FBXL13: variants seen among roughly 807,000 people sequenced by gnomAD.
The protein encoded by FBXL13 is F-box and leucine rich repeat protein 13, also known as F-box and leucine-rich repeat protein 13.
In FBXL13, 67 loss-of-function variants were observed where a neutral mutation model predicts 83.6. The ratio of observed to expected loss-of-function variants is 0.80; its 90% CI spans 0.66 to 0.98. The LOEUF (loss-of-function observed/expected upper bound fraction) is 0.98, where lower values mean the gene tolerates loss of function less well. FBXL13 is among the 50% of genes least tolerant of loss of function. FBXL13 has a pLI of 0.00. For synonymous variants in FBXL13, 272 were observed against 299.5 expected, an observed-to-expected ratio of 0.91 and a Z score of 0.95; for missense variants, 822 against 866.5, an observed-to-expected ratio of 0.95 and a Z score of 0.64.
chr7:102,952,919 G>A (rs931652855), intron 8 of FBXL13, among the ~76,000 whole-genome samples: 9 of 152,118 alleles, frequency 5.9e-5, no homozygotes, highest in Non-Finnish European at 1.3e-4. Context: ...AGAAGGCAGA[G>A]GTTCCAGTGA....
At chr7:102,911,334 G>A (rs1814638871) in intron 11 of FBXL13, among the ~76,000 whole-genome samples, 1 of 152,206 alleles carries the variant, frequency 6.6e-6, no homozygotes, top group Non-Finnish European at 1.5e-5. Flanking sequence ...AAATTGATAA[G>A]AAGAAGGAGG....
chr7:103,062,320 G>C (rs1798004179), intron 1 of FBXL13, among the ~76,000 whole-genome samples: 1 of 152,178 alleles, frequency 6.6e-6, no homozygotes, highest in African/African-American at 2.4e-5. Flanking sequence ...AATTGAGGGA[G>C]AAACTAGGGT....
At chr7:103,001,152 G>A (rs1485755817) in intron 6 of FBXL13, among the ~76,000 whole-genome samples, 1 of 151,642 alleles carries the variant, frequency 6.6e-6, no homozygotes, top group Non-Finnish European at 1.5e-5. Flanking sequence ...GTAGAGACAG[G>A]GTTTCACCAT....
At chr7:103,027,476 A>C in exon 5 of FBXL13, 1 of 1,612,598 alleles carries the variant, frequency 6.2e-7, no homozygotes, top group Non-Finnish European at 8.5e-7. Flanking sequence ...TTTTACTCTT[A>C]TGTCTTGCTG....
chr7:103,055,377 A>G (rs900790123), intron 2 of FBXL13, among the ~76,000 whole-genome samples, 199 bp from the exon 3 acceptor site: 9 of 152,172 alleles, frequency 5.9e-5, no homozygotes, highest in Admixed American at 1.3e-4. Context: ...CCAAAGGAGG[A>G]TATGCCTCCC....
intron 1 of FBXL13, among the ~76,000 whole-genome samples, chr7:103,058,697 T>C (rs939184596): frequency 6.6e-6 from 1 of 152,218 alleles, no homozygotes; most frequent in Non-Finnish European, 1.5e-5. Context: ...TGCATTTTAC[T>C]AAGCTCCCCA....
intron 4 of FBXL13, among the ~76,000 whole-genome samples, 200 bp from the exon 6 acceptor site, chr7:103,027,758 T>G (rs1794099224): frequency 6.6e-6 from 1 of 152,244 alleles, no homozygotes; most frequent in East Asian, 1.9e-4. Context: ...AAACATCACC[T>G]TTGCCCTTAG....
chr7:102,824,435 T>C (rs79693667), intron 18 of FBXL13, among the ~76,000 whole-genome samples: 3,678 of 152,308 alleles, frequency 0.024, 65 homozygotes, highest in Non-Finnish European at 0.036. Context: ...TCGTTTCTCA[T>C]TCCTATCCCC....
At chr7:103,041,906 C>A (rs1487762378) in intron 2 of FBXL13, among the ~76,000 whole-genome samples, 2 of 152,200 alleles carry the variant, frequency 1.3e-5, no homozygotes, top group East Asian at 1.9e-4. Flanking sequence ...CCTTTGAAAA[C>A]TGGCACAAGA....
At chr7:103,030,129 T>C (rs1324292493) in intron 2 of FBXL13, 1 of 152,210 alleles carries the variant, frequency 6.6e-6, no homozygotes, top group African/African-American at 2.4e-5. Flanking sequence ...GTCACATCTA[T>C]TTGGTGTATA....
chr7:102,935,562 G>A (rs372423594), intron 8 of FBXL13, among the ~76,000 whole-genome samples: 62 of 152,190 alleles, frequency 4.1e-4, no homozygotes, highest in African/African-American at 1.4e-3. Flanking sequence ...TTTTGCAACC[G>A]ATGCAATCTT....
intron 10 of FBXL13, among the ~76,000 whole-genome samples, chr7:102,922,426 G>A (rs569707169): frequency 1.1e-4 from 17 of 151,964 alleles, no homozygotes; most frequent in Non-Finnish European, 1.9e-4. Context: ...TTAATTATTG[G>A]TTTACTGATA....
chr7:103,023,294 C>G (rs551059159), intron 6 of FBXL13, among the ~76,000 whole-genome samples: 1 of 151,502 alleles, frequency 6.6e-6, no homozygotes, highest in Non-Finnish European at 1.5e-5. Context: ...CAAAACAAAA[C>G]AGAACAAAAC....
At chr7:102,845,910 G>A (rs548877034) in intron 17 of FBXL13, among the ~76,000 whole-genome samples, 2 of 152,192 alleles carry the variant, frequency 1.3e-5, no homozygotes, top group African/African-American at 4.8e-5. Flanking sequence ...CTTTATCACA[G>A]CATTATGACT....
At chr7:103,030,101 T>C (rs1383036183) in intron 2 of FBXL13, 2 of 152,178 alleles carry the variant, frequency 1.3e-5, no homozygotes, top group African/African-American at 4.8e-5. Context: ...GCTTACTATA[T>C]AGATATACAA....
chr7:102,974,943 T>C (rs1194524246), intron 6 of FBXL13, among the ~76,000 whole-genome samples: 5 of 152,094 alleles, frequency 3.3e-5, no homozygotes, highest in Non-Finnish European at 7.4e-5. Context: ...CTGTACTCAT[T>C]ACTCATTCTC....
At chr7:103,041,518 A>G (rs1180895942) in intron 2 of FBXL13, among the ~76,000 whole-genome samples, 4 of 152,222 alleles carry the variant, frequency 2.6e-5, no homozygotes, top group African/African-American at 9.6e-5. Flanking sequence ...AGACAAAACT[A>G]AAAAAGAGAA....
At chr7:102,914,815 C>T (rs1423235079) in intron 10 of FBXL13, among the ~76,000 whole-genome samples, 2 of 152,172 alleles carry the variant, frequency 1.3e-5, no homozygotes, top group African/African-American at 2.4e-5. Flanking sequence ...TTGGGGCTGT[C>T]GAGTGGACTG....
At chr7:102,925,979 G>A (rs946501934) in intron 10 of FBXL13, among the ~76,000 whole-genome samples, 1 of 150,192 alleles carries the variant, frequency 6.7e-6, no homozygotes, top group South Asian at 2.1e-4. Context: ...CACCAGACTG[G>A]AATGTAAGGG....
Sources: gnomAD v4.1 joint callset for allele counts (sites outside exome capture counted in the v4.1 genomes callset) on GRCh38, gnomAD v4.1.1 for gene constraint, MANE v1.5 for transcripts, NCBI Gene and HGNC (gene_info 2026-07-23, HGNC 2026-07-21) for gene names.